GALNT17: variants seen among roughly 807,000 people sequenced by gnomAD.
GALNT17 encodes UDP-GalNAc:polypeptide N-acetylgalactosaminyltransferase-like 3.
GALNT17 carries 29 observed loss-of-function variants against 63.7 expected under a neutral mutation model. The observed-to-expected ratio is 0.46, with a 90% CI of 0.34 to 0.62. The LOEUF (loss-of-function observed/expected upper bound fraction) is 0.62, where lower values mean the gene tolerates loss of function less well. GALNT17 is among the 20% of genes least tolerant of loss of function. The pLI, the probability that GALNT17 is intolerant of heterozygous loss-of-function variation, is 0.01. For synonymous variants in GALNT17, 305 were observed against 318.3 expected, an observed-to-expected ratio of 0.96 and a Z score of 0.45; for missense variants, 603 against 799.6, an observed-to-expected ratio of 0.75 and a Z score of 2.97.
intron 1 of GALNT17, among the ~76,000 whole-genome samples, chr7:71,165,540 C>T (rs1012068787): frequency 6.6e-6 from 1 of 152,184 alleles, no homozygotes; most frequent in Non-Finnish European, 1.5e-5. Context: ...GAGATTTACT[C>T]ACTGTCACGA....
intron 5 of GALNT17, among the ~76,000 whole-genome samples, chr7:71,471,157 A>G (rs529584015): frequency 3.3e-5 from 5 of 151,998 alleles, no homozygotes; most frequent in Admixed American, 6.6e-5. Context: ...GGCTGACTGC[A>G]ACTTCAGGCT....
In GALNT17 at chr7:71,377,112, AAAAT is replaced by A. The variant is rs1419381309; in HGVS notation, c.423-11121_423-11118del. On this transcript the variant is annotated intron_variant, in intron 2 of 10. Transcript: ENST00000333538. ...AAAAAAAAAAAAAATAAAAATAAAA[AAAAT>A]ATATATATATATATATATATATATA... Among the ~76,000 whole-genome samples the A allele has an allele frequency of 1.2e-4, 7 of 57,240 alleles. 1 individual carries two copies. Among genetic ancestry groups the A allele is most frequent in the African/African-American group, 4.5e-4 (5 of 11,186 alleles). 37.6% of individuals were successfully genotyped at this position (57,240 alleles called of 152,430 possible).
At chr7:71,663,026 A>G (rs1329675025) in intron 6 of GALNT17, among the ~76,000 whole-genome samples, 1 of 152,014 alleles carries the variant, frequency 6.6e-6, no homozygotes, top group African/African-American at 2.4e-5. Context: ...GTGAGAGTTT[A>G]TTTCTGGACT....
intron 5 of GALNT17, among the ~76,000 whole-genome samples, chr7:71,475,384 G>A (rs1408296244): frequency 6.6e-6 from 1 of 152,152 alleles, no homozygotes; most frequent in Non-Finnish European, 1.5e-5. Flanking sequence ...GGTCCCTTCT[G>A]GGGGTGATGG....
intron 1 of GALNT17, among the ~76,000 whole-genome samples, chr7:71,148,723 G>A (rs1001784453): frequency 1.3e-5 from 2 of 151,648 alleles, no homozygotes; most frequent in Admixed American, 1.3e-4. Flanking sequence ...TCTGAAATTG[G>A]GAGTTATCTT....
At chr7:71,596,865 G>C (rs547137188) in intron 6 of GALNT17, among the ~76,000 whole-genome samples, 1 of 152,046 alleles carries the variant, frequency 6.6e-6, no homozygotes, top group South Asian at 2.1e-4. Context: ...ACCCACTCAG[G>C]GTTGAGGCTT....
chr7:71,420,204 C>G (rs915667938), intron 4 of GALNT17, among the ~76,000 whole-genome samples: 2 of 152,172 alleles, frequency 1.3e-5, no homozygotes, highest in African/African-American at 4.8e-5. Flanking sequence ...CGGGCTACAC[C>G]TTGAACCTGG....
At chr7:71,263,921 C>T (rs1790440462) in intron 1 of GALNT17, among the ~76,000 whole-genome samples, 1 of 152,086 alleles carries the variant, frequency 6.6e-6, no homozygotes, top group Admixed American at 6.6e-5. Flanking sequence ...GACATTCCGT[C>T]CCAAAAAAAC....
chr7:71,438,075 TA>T (rs1407443112), intron 5 of GALNT17, among the ~76,000 whole-genome samples: 1 of 152,186 alleles, frequency 6.6e-6, no homozygotes, highest in Non-Finnish European at 1.5e-5. Flanking sequence ...TACTTCCCTG[TA>T]AAATGGTGGA....
At chr7:71,462,098 C>T (rs1787460424) in intron 5 of GALNT17, among the ~76,000 whole-genome samples, 1 of 152,126 alleles carries the variant, frequency 6.6e-6, no homozygotes, top group Non-Finnish European at 1.5e-5. Context: ...GGGCTAGATT[C>T]AGAGGATTCT....
At chr7:71,466,287 T>A (rs1033839742) in intron 5 of GALNT17, among the ~76,000 whole-genome samples, 1 of 152,010 alleles carries the variant, frequency 6.6e-6, no homozygotes. Flanking sequence ...AGTTGAGGGG[T>A]CAGATATGCC....
chr7:71,651,428 G>C (rs1450512043), intron 6 of GALNT17, among the ~76,000 whole-genome samples: 1 of 151,750 alleles, frequency 6.6e-6, no homozygotes, highest in African/African-American at 2.4e-5. Context: ...TCAGACTCCT[G>C]GGTAGCTGGG....
At chr7:71,664,364 C>T (rs927783969) in intron 6 of GALNT17, among the ~76,000 whole-genome samples, 5 of 152,170 alleles carry the variant, frequency 3.3e-5, no homozygotes, top group Admixed American at 2.6e-4. Context: ...AATACCAACA[C>T]TTTGGGAGGC....
At chr7:71,564,278 CTTTTTTTTTTTTTT>C (rs10539122) in intron 5 of GALNT17, among the ~76,000 whole-genome samples, 1 of 98,012 alleles carries the variant, frequency 1.0e-5, no homozygotes, top group Non-Finnish European at 1.9e-5. Context: ...CTTTTCTTTT[CTTTTTTTTTTTTTT>C]TTTTTTTTTT....
At chr7:71,575,704 A>G (rs1046774391) in intron 6 of GALNT17, among the ~76,000 whole-genome samples, 1 of 152,048 alleles carries the variant, frequency 6.6e-6, no homozygotes. Flanking sequence ...TTTTTAAACC[A>G]AGAAATGGCT....
At chr7:71,246,836 AAAAG>A (rs1790108213) in intron 1 of GALNT17, among the ~76,000 whole-genome samples, 1 of 151,984 alleles carries the variant, frequency 6.6e-6, no homozygotes, top group Non-Finnish European at 1.5e-5. Context: ...CTCAAAAAAA[AAAAG>A]AGATTATAAT....
intron 3 of GALNT17, among the ~76,000 whole-genome samples, chr7:71,401,600 C>A (rs58023981): frequency 6.6e-6 from 1 of 152,082 alleles, no homozygotes; most frequent in Non-Finnish European, 1.5e-5. Flanking sequence ...CCATTGCTCG[C>A]GTTACCACCT....
At chr7:71,263,721 A>C (rs762529755) in intron 1 of GALNT17, among the ~76,000 whole-genome samples, 4 of 152,028 alleles carry the variant, frequency 2.6e-5, no homozygotes, top group Admixed American at 2.0e-4. Flanking sequence ...CAGGAGATCG[A>C]GACCATCCTG....
intron 2 of GALNT17, among the ~76,000 whole-genome samples, chr7:71,346,398 T>A (rs2116154227): frequency 6.6e-6 from 1 of 152,278 alleles, no homozygotes; most frequent in East Asian, 1.9e-4. Context: ...TTCCCTTTTA[T>A]TGACTACCTT....
Sources: allele counts gnomAD v4.1 joint callset (sites outside exome capture counted in the v4.1 genomes callset), GRCh38; gene constraint gnomAD v4.1.1; transcripts MANE v1.5; gene names NCBI Gene and HGNC (gene_info 2026-07-23, HGNC 2026-07-21).